The following FREM2 variants were observed in gnomAD, a reference collection of about 807,000 sequenced individuals.
FREM2 encodes FRAS1-related extracellular matrix protein 2.
Under a neutral mutation model 219.9 loss-of-function variants are expected in FREM2, and 119 were observed. The observed-to-expected ratio is 0.54, with a 90% CI of 0.47 to 0.63. The LOEUF (loss-of-function observed/expected upper bound fraction) is 0.63. Among genes scored for constraint, FREM2 ranks in the 30% least tolerant of loss-of-function variants. The pLI is 0.00. For synonymous variants in FREM2, 1,562 were observed against 1,522.8 expected (o/e 1.03, Z -0.60); for missense variants, 4,030 against 3,993.6 (o/e 1.01, Z -0.25).
intron 2 of FREM2, among the ~76,000 whole-genome samples, chr13:38,714,039 A>G (rs1259211990): frequency 1.3e-5 from 2 of 152,196 alleles, no homozygotes; most frequent in African/African-American, 2.4e-5. Context: ...GTGGTACTCT[A>G]ATTGAACTGA....
chr13:38,878,023 A>T, intron 21 of FREM2, 111 bp from the exon 22 acceptor site: 1 of 919,808 alleles, frequency 1.1e-6, no homozygotes, highest in South Asian at 1.4e-5. Context: ...ATAGTAGATG[A>T]GGGTGGCAAG....
intron 2 of FREM2, among the ~76,000 whole-genome samples, chr13:38,727,466 G>A (rs958577061): frequency 6.6e-6 from 1 of 152,158 alleles, no homozygotes; most frequent in Non-Finnish European, 1.5e-5. Context: ...ATGAGAGAGT[G>A]AGACTCCATC....
chr13:38,802,100 C>A (rs954873538), intron 6 of FREM2, among the ~76,000 whole-genome samples: 1 of 152,142 alleles, frequency 6.6e-6, no homozygotes, highest in Non-Finnish European at 1.5e-5. Context: ...GAGGACAGGA[C>A]CAGGCTGGTA....
chr13:38,772,022 C>G (rs1174956611), intron 4 of FREM2, among the ~76,000 whole-genome samples: 1 of 151,848 alleles, frequency 6.6e-6, no homozygotes, highest in Non-Finnish European at 1.5e-5. Context: ...GATCACTTTT[C>G]CCCCCATTTA....
chr13:38,838,747 C>T (rs1274663840), intron 6 of FREM2, among the ~76,000 whole-genome samples: 1 of 152,130 alleles, frequency 6.6e-6, no homozygotes, highest in Non-Finnish European at 1.5e-5. Context: ...TCCACTTGAT[C>T]GATTCAGCTA....
chr13:38,874,631 A>G (rs1275019117), intron 18 of FREM2, 45 bp downstream of exon 18: 3 of 1,486,120 alleles, frequency 2.0e-6, no homozygotes, highest in Admixed American at 1.7e-5. Context: ...CACAAAAAGG[A>G]GGTAGATTTT....
At chr13:38,719,214 G>C (rs2496441) in intron 2 of FREM2, among the ~76,000 whole-genome samples, 1 of 152,022 alleles carries the variant, frequency 6.6e-6, no homozygotes, top group South Asian at 2.1e-4. Context: ...AGCCAGCAGC[G>C]TATCATATTT....
At chr13:38,734,195 A>G (rs1278054377) in intron 2 of FREM2, among the ~76,000 whole-genome samples, 1 of 152,066 alleles carries the variant, frequency 6.6e-6, no homozygotes, top group Non-Finnish European at 1.5e-5. Flanking sequence ...AGAAACAGGA[A>G]AAAACAAAAA....
intron 6 of FREM2, among the ~76,000 whole-genome samples, chr13:38,802,126 C>G (rs1875035722): frequency 6.6e-6 from 1 of 152,156 alleles, no homozygotes; most frequent in Non-Finnish European, 1.5e-5. Context: ...GTCTTCAGGA[C>G]CCCCGGTAGT....
Position 38,689,255 on chromosome 13 carries a change from G to C in FREM2, c.1911G>C (p.Glu637Asp), listed in dbSNP as rs941602944. 6.2e-7 allele frequency: 1 copy of C among 1,613,978 alleles called. No individual in the cohort carries two copies. The highest frequency in any genetic ancestry group is 8.5e-7 in the Non-Finnish European group (1 of 1,180,018). The change falls in exon 1 of 24, where the codon GAG becomes GAC. Residue 637 changes from glutamate to aspartate, a missense_variant. This residue lies in a region of FREM2 where 3,102 missense variants were observed against 2,950.7 expected (regional missense o/e 1.05). Coordinates refer to ENST00000280481, the MANE Select transcript of FREM2 (RefSeq NM_207361.6). ...GLWRKEGAFY[E>D]RTVTEWQQQD... ...GGAGGAAGGAGGGGGCATTTTATGA[G>C]CGAACAGTGACAGAGTGGCAGCAGC...
intron 4 of FREM2, among the ~76,000 whole-genome samples, chr13:38,774,173 C>T (rs1593399008): frequency 1.3e-5 from 2 of 152,070 alleles, no homozygotes; most frequent in East Asian, 1.9e-4. Context: ...GAAAACAACA[C>T]AGTAATTTCT....
chr13:38,695,603 G>GT (rs1870077380), intron 1 of FREM2, among the ~76,000 whole-genome samples: 2 of 152,174 alleles, frequency 1.3e-5, no homozygotes, highest in African/African-American at 4.8e-5. Context: ...ATTTGAAGGG[G>GT]TGGGAACATT....
chr13:38,825,465 G>A (rs1325148395), intron 6 of FREM2, among the ~76,000 whole-genome samples: 1 of 151,926 alleles, frequency 6.6e-6, no homozygotes, highest in African/African-American at 2.4e-5. Flanking sequence ...TATATTCACA[G>A]AATATCAAAC....
chr13:38,696,248 C>T (rs1265641703), intron 1 of FREM2, among the ~76,000 whole-genome samples: 2 of 152,266 alleles, frequency 1.3e-5, no homozygotes, highest in Middle Eastern at 3.4e-3. Flanking sequence ...TCAGATTTTC[C>T]ATTCTGCAAG....
intron 6 of FREM2, among the ~76,000 whole-genome samples, chr13:38,787,861 G>C (rs1311326739): frequency 6.6e-6 from 1 of 151,682 alleles, no homozygotes; most frequent in Non-Finnish European, 1.5e-5. Context: ...CACAGAATAA[G>C]GAAAAGAAGA....
chr13:38,852,725 G>A (rs1188174006), intron 11 of FREM2, among the ~76,000 whole-genome samples: 1 of 137,138 alleles, frequency 7.3e-6, no homozygotes, highest in African/African-American at 2.7e-5. Flanking sequence ...TTTTTTTTGA[G>A]ACAGAGTCTC....
chr13:38,803,930 T>A (rs1007705355), intron 6 of FREM2, among the ~76,000 whole-genome samples: 1 of 151,918 alleles, frequency 6.6e-6, no homozygotes, highest in African/African-American at 2.4e-5. Flanking sequence ...GGTGTGTGAA[T>A]GAAATTTTTT....
At chr13:38,696,345 T>C (rs1196099697) in intron 1 of FREM2, among the ~76,000 whole-genome samples, 1 of 152,194 alleles carries the variant, frequency 6.6e-6, no homozygotes, top group Non-Finnish European at 1.5e-5. Context: ...CTATAGAAAT[T>C]TGTGGCATCA....
Position 38,691,678 on chromosome 13 carries a change from G to A in FREM2, c.4334G>A (p.Ser1445Asn), listed in dbSNP as rs774650862. Reference sequence around the variant, plus strand: ...GTCACTCTTACAACAGACCTACTAAGCACTAGTGACTTGAACAGTCCTGAT... The same window carrying A: ...GTCACTCTTACAACAGACCTACTAAACACTAGTGACTTGAACAGTCCTGAT... ...GKVTLTTDLL[S>N]TSDLNSPDEN... is the part of the protein sequence containing the mutation. The change falls in exon 1 of 24, where the codon AGC becomes AAC. Residue 1445 changes from serine to asparagine, a missense_variant. This residue lies in a region of FREM2 where 3,102 missense variants were observed against 2,950.7 expected (regional missense o/e 1.05). Transcript: ENST00000280481. The A allele has an allele frequency of 2.5e-6, 4 of 1,614,004 alleles. No homozygotes were observed. Among genetic ancestry groups the A allele is most frequent in the East Asian group, 2.2e-5 (1 of 44,878 alleles).
Sources: allele counts gnomAD v4.1 joint callset (sites outside exome capture counted in the v4.1 genomes callset), GRCh38; gene constraint gnomAD v4.1.1; regional missense constraint gnomAD v4.1.1; transcripts MANE v1.5; gene names NCBI Gene and HGNC (gene_info 2026-07-23, HGNC 2026-07-21).